Variants in TUBB8 observed in about 807,000 individuals in gnomAD.
The protein encoded by TUBB8 is tubulin beta-8 chain.
TUBB8 carries 25 observed loss-of-function variants against 33.7 expected under a neutral mutation model. The observed-to-expected ratio is 0.74, with a 90% CI of 0.54 to 1.04. The LOEUF (loss-of-function observed/expected upper bound fraction) is 1.04. Among genes scored for constraint, TUBB8 ranks in the 50% least tolerant of loss-of-function variants. The pLI is 0.00. For synonymous variants in TUBB8, 245 were observed against 240.1 expected, an observed-to-expected ratio of 1.02 and a Z score of -0.19; for missense variants, 279 against 608.0, an observed-to-expected ratio of 0.46 and a Z score of 5.69.
chr10:53,171 C>T (rs1207907742), upstream of TUBB8, among the ~76,000 whole-genome samples: 3 of 152,106 alleles, frequency 2.0e-5, no homozygotes, highest in Non-Finnish European at 2.9e-5. Flanking sequence ...GTCTGTTGCC[C>T]AGGCTGGAGT....
rs781917572 is a variant in TUBB8, at chr10:47,554, G to C, written c.838C>G (p.Gln280Glu). 1.2e-6 allele frequency: 2 copies of C among 1,611,760 alleles called. No homozygotes were observed. Among genetic ancestry groups the C allele is most frequent in the South Asian group, 2.2e-5 (2 of 91,016 alleles). ...FAPLTSRGSQ[Q>E]YRALTVAELT... ...TCAGCCACAGTCAAGGCCCGGTACTGCTGGCTGCCCCGGCTGGTCAGTGGG... is the reference window on the plus strand; with the variant it reads ...TCAGCCACAGTCAAGGCCCGGTACTCCTGGCTGCCCCGGCTGGTCAGTGGG... Residue 280 changes from glutamine to glutamate, a missense_variant, in exon 4 of 4, where the codon CAG (glutamine) becomes GAG (glutamate). Transcript: ENST00000568584.
intron 1 of TUBB8, among the ~76,000 whole-genome samples, chr10:72,782 G>A (rs1415028438): frequency 6.6e-6 from 1 of 151,610 alleles, no homozygotes; most frequent in Non-Finnish European, 1.5e-5. Flanking sequence ...AACCTGGGAG[G>A]TGGAGGTTAC....
intron 1 of TUBB8, among the ~76,000 whole-genome samples, chr10:63,772 T>C (rs1554741205): frequency 6.6e-6 from 1 of 152,254 alleles, no homozygotes; most frequent in African/African-American, 2.4e-5. Context: ...ATCTCTATTT[T>C]TCCAGGATTT....
chr10:64,450 C>T (rs1218988240), intron 1 of TUBB8, among the ~76,000 whole-genome samples: 3 of 151,738 alleles, frequency 2.0e-5, no homozygotes, highest in Admixed American at 6.6e-5. Context: ...CTAACCCTAA[C>T]TCTAAAACCC....
chr10:49,102 G>T lies in TUBB8; in HGVS notation c.57+80C>A. On this transcript the variant is annotated intron_variant, in intron 1 of 3. Coordinates refer to ENST00000568584, the MANE Select transcript of TUBB8 (RefSeq NM_177987.3). ...GGAGCCCAGGGGCCGCAATGCATGGGCACCGCCCCCGCCACTGCCAACACC... is the reference window on the plus strand; with the variant it reads ...GGAGCCCAGGGGCCGCAATGCATGGTCACCGCCCCCGCCACTGCCAACACC... 5 of 1,456,556 alleles carry T rather than the reference G, an allele frequency of 3.4e-6. No homozygotes were observed. The South Asian group carries it at 5.0e-5, about 15-fold the overall frequency. 90.2% of individuals were successfully genotyped at this position (1,456,556 alleles called of 1,614,324 possible).
At chr10:73,832 C>G (rs1564214344) in intron 1 of TUBB8, 1 of 151,970 alleles carries the variant, frequency 6.6e-6, no homozygotes, top group African/African-American at 2.4e-5. Flanking sequence ...CTTGGCCTTG[C>G]GCTGGGGGTG....
chr10:64,813 C>A lies in TUBB8; in HGVS notation c.-846+9156G>T, dbSNP rs193215705. On this transcript the variant is annotated intron_variant, in intron 1 of 3. Transcript: ENST00000564130. ...ACACTGACTAATACTGAAGGAAGTG[C>A]CAATTAAAAGAATATTAAAATATCT... Among the ~76,000 whole-genome samples, 1,085 of 152,120 alleles carry A rather than the reference C, an allele frequency of 7.1e-3. 8 individuals carry two copies. The highest frequency in any genetic ancestry group is 0.025 in the African/African-American group (1,040 of 41,512).
upstream of TUBB8, among the ~76,000 whole-genome samples, chr10:53,919 T>G (rs1421412141): frequency 7.2e-5 from 11 of 152,332 alleles, no homozygotes; most frequent in African/African-American, 2.6e-4. Flanking sequence ...TTTTTGTGGG[T>G]ACATAGTTGG....
chr10:75,185 AT>A (rs111910470), upstream of TUBB8, among the ~76,000 whole-genome samples: 1 of 147,808 alleles, frequency 6.8e-6, no homozygotes, highest in Non-Finnish European at 1.5e-5. Context: ...GCCCAGCCAA[AT>A]TTTTTTTTTT....
At chr10:56,797 C>T (rs1201809222) in intron 1 of TUBB8, among the ~76,000 whole-genome samples, 2 of 152,144 alleles carry the variant, frequency 1.3e-5, no homozygotes, top group African/African-American at 2.4e-5. Context: ...TTGCCCCTGG[C>T]CATTCCAAAT....
Position 48,877 on chromosome 10 carries a change from G to A in TUBB8, c.93C>T (p.Asp31=), listed in dbSNP as rs782646758. 13 of 1,571,034 alleles carry A rather than the reference G, an allele frequency of 8.3e-6. No individual in the cohort carries two copies. The highest frequency in any genetic ancestry group is 1.4e-5 in the African/African-American group (1 of 74,064). The change falls in exon 2 of 4, where the codon GAC becomes GAT. Residue 31 remains aspartate, a synonymous_variant. Transcript: ENST00000568584. ...TGTCCCCGTGGTAGGTGCCAGCGGA[G>A]TCGATGGCATGTTCATCAGAGATCA... ...WEVISDEHAI[D]SAGTYHGDSH...
At chr10:66,877 G>A (rs568282965) in intron 1 of TUBB8, among the ~76,000 whole-genome samples, 11 of 152,278 alleles carry the variant, frequency 7.2e-5, no homozygotes, top group Non-Finnish European at 1.6e-4. Context: ...GGAGGCTGAG[G>A]CGGGAGGATC....
At chr10:71,683 T>C (rs1688243585) in intron 1 of TUBB8, among the ~76,000 whole-genome samples, 1 of 151,780 alleles carries the variant, frequency 6.6e-6, no homozygotes, top group African/African-American at 2.4e-5. Flanking sequence ...TCCCAGCACT[T>C]TGGGAGGCTG....
At chr10:72,130 TAGG>T (rs1834744819) in intron 1 of TUBB8, among the ~76,000 whole-genome samples, 2 of 148,122 alleles carry the variant, frequency 1.4e-5, no homozygotes, top group South Asian at 4.3e-4. Flanking sequence ...GAGGCTGAGG[TAGG>T]AGAATTGCTT....
chr10:50,637 G>A (rs1834455844), upstream of TUBB8, among the ~76,000 whole-genome samples: 1 of 152,158 alleles, frequency 6.6e-6, no homozygotes, highest in Non-Finnish European at 1.5e-5. Flanking sequence ...AGCCCTTGGG[G>A]GTCAGGAGTC....
chr10:67,253 A>T (rs1834683013), intron 1 of TUBB8, among the ~76,000 whole-genome samples: 1 of 151,546 alleles, frequency 6.6e-6, no homozygotes, highest in Non-Finnish European at 1.5e-5. Flanking sequence ...GGACGTTGGG[A>T]TTGTAACAGG....
At chr10:68,980 C>T (rs1294595916) in intron 1 of TUBB8, among the ~76,000 whole-genome samples, 1 of 152,230 alleles carries the variant, frequency 6.6e-6, no homozygotes, top group Non-Finnish European at 1.5e-5. Context: ...CAGATGCAGA[C>T]CCTGCGTTCC....
At position 55,179 on chromosome 10, in the gene TUBB8, C is replaced by T. The variant is rs12242501; in HGVS notation, c.-845-4946G>A. On this transcript the variant is annotated intron_variant, in intron 1 of 3. Coordinates refer to the TUBB8 transcript ENST00000564130. ...CAGGCACCTCTTCCATGACAGCAGG[C>T]GAGAGAGCATATATGTGAAGCAAAG... is the stretch of plus-strand genomic sequence containing the variant. Among the ~76,000 whole-genome samples, 11 of 152,072 alleles carry T rather than the reference C, an allele frequency of 7.2e-5. 1 individual carries two copies. The South Asian group carries it at 8.3e-4, about 11-fold the overall frequency.
At chr10:52,601 C>T (rs1284724981), upstream of TUBB8, among the ~76,000 whole-genome samples, 4 of 152,310 alleles carry the variant, frequency 2.6e-5, no homozygotes, top group Middle Eastern at 6.8e-3. Flanking sequence ...AAAGTCGGGG[C>T]TATTCGTTTT....
Sources: gnomAD v4.1 joint callset for allele counts (sites outside exome capture counted in the v4.1 genomes callset) on GRCh38, gnomAD v4.1.1 for gene constraint, MANE v1.5 for transcripts, NCBI Gene and HGNC (gene_info 2026-07-23, HGNC 2026-07-21) for gene names.